SAMMSON: variants seen among roughly 807,000 people sequenced by gnomAD.
SAMMSON encodes the protein long intergenic non-protein coding RNA 1212.
At chr3:70,223,058 A>G (rs1701474528) in intron 4 of SAMMSON, among the ~76,000 whole-genome samples, 2 of 152,148 alleles carry the variant, frequency 1.3e-5, no homozygotes, top group Non-Finnish European at 2.9e-5. Flanking sequence ...CAGATACATT[A>G]TATTAAACAA....
intron 2 of SAMMSON, among the ~76,000 whole-genome samples, chr3:70,401,202 G>A (rs965870934): frequency 4.6e-5 from 7 of 151,756 alleles, no homozygotes; most frequent in Admixed American, 6.6e-5. Context: ...TTACAAATTA[G>A]ACTCCACATT....
At chr3:70,342,188 G>T (rs1162102068) in intron 7 of SAMMSON, among the ~76,000 whole-genome samples, 1 of 152,136 alleles carries the variant, frequency 6.6e-6, no homozygotes, top group African/African-American at 2.4e-5. Context: ...GGGTCATTTT[G>T]TTTGAGGCAG....
intron 4 of SAMMSON, among the ~76,000 whole-genome samples, chr3:70,154,029 A>G (rs1248216780): frequency 1.3e-5 from 2 of 151,728 alleles, no homozygotes; most frequent in Non-Finnish European, 2.9e-5. Flanking sequence ...ATTTTTTTTC[A>G]GGATGTTTGT....
intron 4 of SAMMSON, among the ~76,000 whole-genome samples, chr3:70,139,454 C>T (rs1037029704): frequency 2.6e-5 from 4 of 152,186 alleles, no homozygotes; most frequent in Non-Finnish European, 4.4e-5. Flanking sequence ...GGTAGCCCTA[C>T]CCCATGGCCT....
chr3:70,063,639 C>T (rs2067198810), intron 3 of SAMMSON, among the ~76,000 whole-genome samples: 1 of 152,098 alleles, frequency 6.6e-6, no homozygotes, highest in African/African-American at 2.4e-5. Context: ...ACTGCATATC[C>T]CTGTCTCCAT....
At chr3:70,381,730 C>A (rs1426413531) in intron 9 of SAMMSON, among the ~76,000 whole-genome samples, 1 of 151,948 alleles carries the variant, frequency 6.6e-6, no homozygotes, top group Admixed American at 6.6e-5. Flanking sequence ...ACAGACAAAT[C>A]CAGAATGAGG....
intron 4 of SAMMSON, among the ~76,000 whole-genome samples, chr3:70,219,876 G>A (rs1416733963): frequency 6.6e-6 from 1 of 152,080 alleles, no homozygotes; most frequent in African/African-American, 2.4e-5. Context: ...CAGTTTCCTG[G>A]AGAAGAAACC....
At chr3:70,356,684 C>A (rs934916102) in intron 8 of SAMMSON, among the ~76,000 whole-genome samples, 1 of 151,952 alleles carries the variant, frequency 6.6e-6, no homozygotes, top group Non-Finnish European at 1.5e-5. Flanking sequence ...AAATACCTAT[C>A]CTTTTTGTTT....
At chr3:70,229,022 T>C (rs1189396890) in intron 4 of SAMMSON, among the ~76,000 whole-genome samples, 1 of 152,174 alleles carries the variant, frequency 6.6e-6, no homozygotes, top group East Asian at 1.9e-4. Flanking sequence ...GGGATACCAA[T>C]GCAGGGCACC....
chr3:70,286,325 C>T (rs1702162179), intron 6 of SAMMSON, among the ~76,000 whole-genome samples: 1 of 152,056 alleles, frequency 6.6e-6, no homozygotes, highest in African/African-American at 2.4e-5. Context: ...AATCCTTTCC[C>T]CATTTCTTGT....
At chr3:70,233,062 G>A (rs757099181) in intron 4 of SAMMSON, among the ~76,000 whole-genome samples, 5 of 152,130 alleles carry the variant, frequency 3.3e-5, no homozygotes, top group South Asian at 2.1e-4. Context: ...GGTGGCATGC[G>A]CCTGTGGTCT....
At chr3:70,265,878 A>T (rs1701912386) in intron 6 of SAMMSON, among the ~76,000 whole-genome samples, 1 of 152,148 alleles carries the variant, frequency 6.6e-6, no homozygotes, top group Admixed American at 6.5e-5. Flanking sequence ...AGATCTCATG[A>T]GACTCACTCC....
intron 1 of SAMMSON, among the ~76,000 whole-genome samples, chr3:70,000,636 C>T (rs1217254943): frequency 6.6e-6 from 1 of 152,126 alleles, no homozygotes; most frequent in Non-Finnish European, 1.5e-5. Flanking sequence ...TATTAGTTAA[C>T]AAATTCAAGT....
chr3:70,256,803 A>C (rs1459613881), intron 6 of SAMMSON, among the ~76,000 whole-genome samples: 3 of 152,192 alleles, frequency 2.0e-5, no homozygotes, highest in Non-Finnish European at 4.4e-5. Flanking sequence ...AACATATGTA[A>C]TATACTAATA....
chr3:70,273,287 A>G (rs1701992057), intron 6 of SAMMSON, among the ~76,000 whole-genome samples: 1 of 152,134 alleles, frequency 6.6e-6, no homozygotes. Context: ...CGACTCAACA[A>G]TTTCTCTGAA....
At chr3:70,190,180 A>G (rs893286641) in intron 4 of SAMMSON, among the ~76,000 whole-genome samples, 2 of 152,186 alleles carry the variant, frequency 1.3e-5, no homozygotes, top group African/African-American at 4.8e-5. Flanking sequence ...GTTTTAAAAT[A>G]AGAAGAGTTT....
chr3:70,174,599 G>A (rs1700995784), intron 4 of SAMMSON, among the ~76,000 whole-genome samples: 1 of 151,940 alleles, frequency 6.6e-6, no homozygotes, highest in Admixed American at 6.6e-5. Context: ...GTACTTCATG[G>A]TGTCTAAGAA....
intron 4 of SAMMSON, among the ~76,000 whole-genome samples, chr3:70,128,424 T>A (rs1288683350): frequency 6.6e-6 from 1 of 152,210 alleles, no homozygotes; most frequent in Non-Finnish European, 1.5e-5. Flanking sequence ...TGCTTGGAGA[T>A]TCCCAACAAA....
chr3:70,319,691 C>T (rs972050227), intron 7 of SAMMSON, among the ~76,000 whole-genome samples: 7 of 151,930 alleles, frequency 4.6e-5, no homozygotes, highest in African/African-American at 1.7e-4. Flanking sequence ...CCATTTAAGC[C>T]ATAAATCATA....
Sources: gnomAD v4.1 joint callset for allele counts (sites outside exome capture counted in the v4.1 genomes callset) on GRCh38, gnomAD v4.1.1 for gene constraint, MANE v1.5 for transcripts, NCBI Gene and HGNC (gene_info 2026-07-23, HGNC 2026-07-21) for gene names.